CIMIP3: variants seen among roughly 807,000 people sequenced by gnomAD.
The protein encoded by CIMIP3 is ciliary microtubule inner protein 3.
the CIMIP3 span, among the ~76,000 whole-genome samples, chr6:42,158,315 G>A: frequency 9.9e-5 from 15 of 152,072 alleles, no homozygotes; most frequent in African/African-American, 3.6e-4. Flanking sequence ...TTGGCCCCTA[G>A]AAAGGGCAGG....
At chr6:42,158,143 C>G in the CIMIP3 span, among the ~76,000 whole-genome samples, 8 of 152,276 alleles carry the variant, frequency 5.3e-5, no homozygotes, top group East Asian at 1.5e-3. Flanking sequence ...GCACACTTGA[C>G]GAGGAGCATG....
chr6:42,157,847 C>G, the CIMIP3 span, among the ~76,000 whole-genome samples: 1 of 152,168 alleles, frequency 6.6e-6, no homozygotes, highest in Non-Finnish European at 1.5e-5. Context: ...ATGAGGGAAG[C>G]AGTAGGGGAG....
chr6:42,155,870 T>C, the CIMIP3 span, among the ~76,000 whole-genome samples: 1 of 152,226 alleles, frequency 6.6e-6, no homozygotes, highest in Non-Finnish European at 1.5e-5. Flanking sequence ...ATGGACTAGC[T>C]CATTAAGTCC....
At chr6:42,162,933 C>T in the CIMIP3 span, 1 of 670,318 alleles carries the variant, frequency 1.5e-6, no homozygotes, top group South Asian at 1.7e-5. Flanking sequence ...TCACAGAAAC[C>T]CTCTGTACCC....
At chr6:42,155,580 T>C in the CIMIP3 span, 3 of 717,512 alleles carry the variant, frequency 4.2e-6, no homozygotes, top group South Asian at 3.0e-5. Flanking sequence ...CAGCCTCACA[T>C]GTGCGGCTGG....
the CIMIP3 span, among the ~76,000 whole-genome samples, chr6:42,160,071 G>A: frequency 3.3e-5 from 5 of 151,974 alleles, no homozygotes; most frequent in East Asian, 3.9e-4. Context: ...CTGCAGCCTC[G>A]ACCTCCTGGG....
At chr6:42,163,253 T>G in the CIMIP3 span, 1 of 563,698 alleles carries the variant, frequency 1.8e-6, no homozygotes, top group Non-Finnish European at 3.3e-6. Context: ...CTCCTAGGCC[T>G]GAGCCAAACG....
the CIMIP3 span, among the ~76,000 whole-genome samples, chr6:42,156,763 C>A: frequency 6.6e-6 from 1 of 152,250 alleles, no homozygotes; most frequent in Non-Finnish European, 1.5e-5. Flanking sequence ...CCCTGAAGCT[C>A]AAAGAGGCTC....
At chr6:42,156,580 C>T in the CIMIP3 span, among the ~76,000 whole-genome samples, 1 of 152,196 alleles carries the variant, frequency 6.6e-6, no homozygotes. Flanking sequence ...CAAAGGGAAA[C>T]GTGCTCTCCT....
chr6:42,162,307 C>T, the CIMIP3 span, among the ~76,000 whole-genome samples: 4 of 151,222 alleles, frequency 2.6e-5, no homozygotes, highest in African/African-American at 9.7e-5. Flanking sequence ...CCAGCTTACT[C>T]AGGAGGCTGA....
At chr6:42,158,352 C>G in the CIMIP3 span, among the ~76,000 whole-genome samples, 1 of 152,218 alleles carries the variant, frequency 6.6e-6, no homozygotes, top group Non-Finnish European at 1.5e-5. Context: ...CTGACTCCCT[C>G]TTCCTCCTCT....
chr6:42,156,900 C>T, the CIMIP3 span, among the ~76,000 whole-genome samples: 2 of 152,246 alleles, frequency 1.3e-5, no homozygotes, highest in African/African-American at 4.8e-5. Context: ...CCAGCCTTCA[C>T]ACCCAAGTGC....
chr6:42,157,087 C>A, the CIMIP3 span, among the ~76,000 whole-genome samples: 1 of 152,208 alleles, frequency 6.6e-6, no homozygotes, highest in Non-Finnish European at 1.5e-5. Context: ...ACTCAGAAAG[C>A]CCCACTCTTG....
chr6:42,156,944 C>T, the CIMIP3 span, among the ~76,000 whole-genome samples: 1 of 152,252 alleles, frequency 6.6e-6, no homozygotes, highest in African/African-American at 2.4e-5. Context: ...AGGCCTTCCC[C>T]CAGAGTGAGG....
chr6:42,157,170 A>G, the CIMIP3 span, among the ~76,000 whole-genome samples: 1 of 152,342 alleles, frequency 6.6e-6, no homozygotes, highest in African/African-American at 2.4e-5. Flanking sequence ...ACATATTAAT[A>G]CATGTGTACT....
At chr6:42,156,902 C>T in the CIMIP3 span, among the ~76,000 whole-genome samples, 1 of 152,238 alleles carries the variant, frequency 6.6e-6, no homozygotes. Context: ...AGCCTTCACA[C>T]CCAAGTGCTA....
At chr6:42,160,364 T>A in the CIMIP3 span, among the ~76,000 whole-genome samples, 78 of 152,294 alleles carry the variant, frequency 5.1e-4, no homozygotes, top group East Asian at 9.6e-3. Context: ...CCCTGTGCCC[T>A]GGGGCTGAGC....
the CIMIP3 span, among the ~76,000 whole-genome samples, chr6:42,159,807 A>G: frequency 2.0e-5 from 3 of 152,204 alleles, no homozygotes; most frequent in Non-Finnish European, 4.4e-5. Context: ...CTGGGTTCAA[A>G]TCCCAGCCTT....
chr6:42,162,836 T>C, the CIMIP3 span: 1 of 574,010 alleles, frequency 1.7e-6, no homozygotes, highest in South Asian at 2.3e-5. Flanking sequence ...GCAGTGGCTC[T>C]TTCTCCTCCC....
Sources: gnomAD v4.1 joint callset for allele counts (sites outside exome capture counted in the v4.1 genomes callset) on GRCh38, gnomAD v4.1.1 for gene constraint, MANE v1.5 for transcripts, NCBI Gene and HGNC (gene_info 2026-07-23, HGNC 2026-07-21) for gene names.